The following ZHX2 variants were observed in gnomAD, a reference collection of about 807,000 sequenced individuals.
The protein encoded by ZHX2 is zinc fingers and homeoboxes 2, also known as zinc fingers and homeoboxes protein 2.
A neutral mutation model predicts 21.9 loss-of-function variants in ZHX2; 6 were observed. The observed-to-expected ratio is 0.27, with a 90% CI of 0.15 to 0.54. ZHX2 has a LOEUF of 0.54. Ranked by LOEUF, ZHX2 falls within the 20% of genes least tolerant of loss-of-function variation. ZHX2 has a pLI of 0.95. For missense variants in ZHX2, 908 were observed against 1,090.7 expected (o/e 0.83, Z 2.36); for synonymous variants, 434 against 437.1 (o/e 0.99, Z 0.09).
At chr8:122,790,228 GC>G (rs536742399) in intron 1 of ZHX2, among the ~76,000 whole-genome samples, 60 of 152,282 alleles carry the variant, frequency 3.9e-4, no homozygotes, top group African/African-American at 1.4e-3. Context: ...GGATCAAATA[GC>G]CCAGCTTGAG....
intron 1 of ZHX2, among the ~76,000 whole-genome samples, chr8:122,815,222 G>T (rs1222170878): frequency 6.6e-6 from 1 of 152,190 alleles, no homozygotes; most frequent in Non-Finnish European, 1.5e-5. Flanking sequence ...AGTGGGCAGG[G>T]TCGGCTTCTC....
chr8:122,897,299 A>C (rs1820121484), intron 2 of ZHX2, among the ~76,000 whole-genome samples: 1 of 152,224 alleles, frequency 6.6e-6, no homozygotes, highest in Admixed American at 6.5e-5. Context: ...TACCTACCTC[A>C]TTGGGTTACC....
chr8:122,808,243 A>G (rs1407463749), intron 1 of ZHX2, among the ~76,000 whole-genome samples: 1 of 152,216 alleles, frequency 6.6e-6, no homozygotes, highest in Admixed American at 6.5e-5. Context: ...AACAACAGCA[A>G]TACTAGTGTC....
chr8:122,812,824 G>C (rs1296633529), intron 1 of ZHX2, among the ~76,000 whole-genome samples: 1 of 152,188 alleles, frequency 6.6e-6, no homozygotes, highest in African/African-American at 2.4e-5. Context: ...GATACCAACT[G>C]ATTGCTTCCC....
chr8:122,862,651 C>T (rs1019195175), intron 1 of ZHX2, among the ~76,000 whole-genome samples: 1 of 152,132 alleles, frequency 6.6e-6, no homozygotes, highest in African/African-American at 2.4e-5. Context: ...GTTTTCTTTC[C>T]CCCAGCCAAA....
intron 1 of ZHX2, among the ~76,000 whole-genome samples, chr8:122,800,158 A>C (rs138215349): frequency 1.7e-3 from 263 of 152,262 alleles, no homozygotes; most frequent in African/African-American, 6.2e-3. Context: ...GCCTGGCCTA[A>C]ATTTATTTTT....
At chr8:122,931,228 A>G (rs1820984144) in intron 2 of ZHX2, among the ~76,000 whole-genome samples, 1 of 152,152 alleles carries the variant, frequency 6.6e-6, no homozygotes, top group Admixed American at 6.5e-5. Flanking sequence ...ATGAGGCTCC[A>G]CGCCTGGCGC....
intron 1 of ZHX2, among the ~76,000 whole-genome samples, chr8:122,846,896 T>C (rs1818762678): frequency 2.0e-5 from 3 of 152,100 alleles, no homozygotes; most frequent in Admixed American, 2.0e-4. Context: ...TGTGTTTAGC[T>C]CTATTTGAGA....
chr8:122,852,967 AT>A (rs780650295), intron 1 of ZHX2, among the ~76,000 whole-genome samples: 2 of 148,790 alleles, frequency 1.3e-5, no homozygotes, highest in Non-Finnish European at 3.0e-5. Flanking sequence ...CATATCTCTT[AT>A]TTAATTCACA....
chr8:122,971,731 C>T (rs1422085812), intron 3 of ZHX2, among the ~76,000 whole-genome samples: 1 of 151,842 alleles, frequency 6.6e-6, no homozygotes. Context: ...AAACTTCTAG[C>T]CTGTCATGGA....
rs977154566 is a variant in ZHX2 at position 122,951,573 on chromosome 8, A to G, written c.63A>G (p.Gln21=). The change falls in exon 3 of 4, where the codon CAA becomes CAG. Residue 21 remains glutamine, a synonymous_variant. Transcript: ENST00000314393. ...TTCGGACATCACAAGTAGTAGAACA[A>G]GATGTGCCCGAGGAAGTAGACAGGG... ...CMVRTSQVVE[Q]DVPEEVDRAK... 1.9e-6 allele frequency: 3 copies of G among 1,613,902 alleles called. No homozygotes were observed. Among genetic ancestry groups the G allele is most frequent in the African/African-American group, 1.3e-5 (1 of 74,922 alleles).
chr8:122,938,589 C>A (rs1409388513), intron 2 of ZHX2, among the ~76,000 whole-genome samples: 2 of 152,082 alleles, frequency 1.3e-5, no homozygotes, highest in African/African-American at 4.8e-5. Context: ...GTAATCCCAG[C>A]ACTTTGGGAG....
At chr8:122,843,253 CA>C (rs1741881734) in intron 1 of ZHX2, among the ~76,000 whole-genome samples, 1 of 152,160 alleles carries the variant, frequency 6.6e-6, no homozygotes, top group East Asian at 1.9e-4. Context: ...CTTGGTGATT[CA>C]AAAATCAAGG....
At chr8:122,807,830 A>G (rs1205917080) in intron 1 of ZHX2, 1 of 152,224 alleles carries the variant, frequency 6.6e-6, no homozygotes, top group Non-Finnish European at 1.5e-5. Context: ...GCTCAAGGCC[A>G]CCCAGGTGGT....
At position 122,952,890 on chromosome 8, in the gene ZHX2, G is replaced by GAA; in HGVS notation, c.1381_1382insAA (p.Ser461LysfsTer16). ...CACATCTCAAGGCCAGCTTTCTCCA[G>GAA]AGCCAGTTCCCTGACGATGCCGAGG... On this transcript the variant is annotated frameshift_variant, in exon 3 of 4. Transcript: ENST00000314393. LOFTEE classifies it low-confidence loss of function (END_TRUNC). The surrounding 1 kb of genome is among the most constrained non-coding windows in gnomAD (Gnocchi z 6.9). 1.2e-6 allele frequency: 2 copies of GAA among 1,614,152 alleles called. No homozygotes were observed. Among genetic ancestry groups the GAA allele is most frequent in the Non-Finnish European group, 1.7e-6 (2 of 1,180,046 alleles).
chr8:122,860,901 T>C (rs1656293728), intron 1 of ZHX2, among the ~76,000 whole-genome samples: 1 of 151,846 alleles, frequency 6.6e-6, no homozygotes, highest in Non-Finnish European at 1.5e-5. Context: ...GGCATGGCAG[T>C]GCATGCCTGT....
chr8:122,927,498 A>G (rs575772862), intron 2 of ZHX2, among the ~76,000 whole-genome samples: 14 of 152,204 alleles, frequency 9.2e-5, no homozygotes, highest in Admixed American at 2.6e-4. Context: ...CCATCTTAAA[A>G]AAAAAATACC....
chr8:122,812,210 G>A (rs989088519), intron 1 of ZHX2, among the ~76,000 whole-genome samples: 12 of 152,146 alleles, frequency 7.9e-5, no homozygotes, highest in Non-Finnish European at 1.8e-4. Context: ...GAAAAGCGAG[G>A]AGTCCGATGT....
intron 1 of ZHX2, among the ~76,000 whole-genome samples, chr8:122,834,461 C>G (rs1818453133): frequency 6.6e-6 from 1 of 152,202 alleles, no homozygotes; most frequent in Non-Finnish European, 1.5e-5. Context: ...GAAACAGGCG[C>G]CAGGTGGAGG....
Sources: allele counts gnomAD v4.1 joint callset (sites outside exome capture counted in the v4.1 genomes callset), GRCh38; gene constraint gnomAD v4.1.1; non-coding constraint Gnocchi (gnomAD v3.1); transcripts MANE v1.5; gene names NCBI Gene and HGNC (gene_info 2026-07-23, HGNC 2026-07-21).